GOLGA3: variants seen among roughly 807,000 people sequenced by gnomAD.
The protein encoded by GOLGA3 is golgin A3.
A neutral mutation model predicts 169.4 loss-of-function variants in GOLGA3; 75 were observed. The ratio of observed to expected loss-of-function variants is 0.44; its 90% CI spans 0.37 to 0.54. The LOEUF (loss-of-function observed/expected upper bound fraction) is 0.54. Ranked by LOEUF, GOLGA3 falls within the 20% of genes least tolerant of loss-of-function variation. The pLI is 0.00. For synonymous variants in GOLGA3, 824 were observed against 822.4 expected (o/e 1.00, Z -0.03); for missense variants, 1,899 against 1,930.0 (o/e 0.98, Z 0.30).
chr12:132,805,734 C>T (rs1426591003), intron 6 of GOLGA3, among the ~76,000 whole-genome samples: 1 of 152,226 alleles, frequency 6.6e-6, no homozygotes, highest in East Asian at 1.9e-4. Context: ...CCCAACTGCA[C>T]CTGCACAGGG....
chr12:132,782,642 C>T (rs1161539731), intron 16 of GOLGA3, 149 bp from the exon 17 acceptor site: 12 of 663,578 alleles, frequency 1.8e-5, no homozygotes, highest in South Asian at 5.2e-5. Context: ...ATTGGGAGGC[C>T]GAGGCAGGGG....
intron 9 of GOLGA3, 132 bp downstream of exon 9, chr12:132,798,208 C>CAG: frequency 1.2e-6 from 1 of 811,108 alleles, no homozygotes; most frequent in South Asian, 1.8e-5. Flanking sequence ...CCTTAACGAG[C>CAG]AGTCACTGCC....
rs2044840752 is a variant in GOLGA3, at chr12:132,770,273, T to G, written c.*2832A>C. 6.6e-6 allele frequency: 1 copy of G among 150,602 alleles called. No individual in the cohort carries two copies. Among genetic ancestry groups the G allele is most frequent in the Non-Finnish European group, 1.5e-5 (1 of 67,956 alleles). 9.3% of individuals were successfully genotyped at this position (150,602 alleles called of 1,614,324 possible). ...AAATTCCAACTTCCTCTTTTAGGCG[T>G]CTTCTTAAGGAAGGAAGTGTCCGCG... is the stretch of plus-strand genomic sequence containing the variant. On this transcript the variant is annotated 3_prime_UTR_variant, in exon 24 of 24. Coordinates refer to ENST00000450791, the MANE Select transcript of GOLGA3 (RefSeq NM_001389683.1).
Position 132,789,299 on chromosome 12 carries a change from G to A in GOLGA3, c.2548-9C>T, listed in dbSNP as rs1301626055. On this transcript the variant is annotated splice_polypyrimidine_tract_variant and intron_variant, in intron 12 of 23. Coordinates refer to ENST00000450791, the MANE Select transcript of GOLGA3 (RefSeq NM_001389683.1). ...TAGGCCTCCACCATCACCTGCCAAA[G>A]ACAGAGGCTGTGAGCGGACGCTGGG... 6.3e-7 allele frequency: 1 copy of A among 1,578,890 alleles called. No homozygotes were observed. The highest frequency in any genetic ancestry group is 1.3e-5 in the African/African-American group (1 of 74,506).
rs1555251130 is a variant in GOLGA3 at position 132,780,123 on chromosome 12, A to ACACACAC, written c.3582+674_3582+675insGTGTGTG. 1.2e-4 allele frequency among the ~76,000 whole-genome samples: 16 copies of ACACACAC among 136,074 alleles called. 1 individual carries two copies. Among genetic ancestry groups the ACACACAC allele is most frequent in the East Asian group, 4.4e-4 (2 of 4,496 alleles). The allele number at this position is 136,074 out of a possible 152,430, so 89.3% of individuals were successfully genotyped here. ...CTTGCACGCACAGCCCCCCGCGTGC[A>ACACACAC]CACACCCCAGGCACACGTGTGTACA... On this transcript the variant is annotated intron_variant, in intron 18 of 23. Coordinates refer to ENST00000450791, the MANE Select transcript of GOLGA3 (RefSeq NM_001389683.1).
At chr12:132,808,597 A>T (rs770994414) in intron 4 of GOLGA3, 48 bp from the exon 5 acceptor site, 1 of 1,465,090 alleles carries the variant, frequency 6.8e-7, no homozygotes, top group South Asian at 1.3e-5. Flanking sequence ...ATCCACAAGC[A>T]GCATACTTAA....
At chr12:132,797,128 T>C (rs1160804007) in intron 9 of GOLGA3, among the ~76,000 whole-genome samples, 1 of 152,214 alleles carries the variant, frequency 6.6e-6, no homozygotes, top group African/African-American at 2.4e-5. Context: ...ACTTGAAACT[T>C]GAAATTCTTT....
chr12:132,821,926 C>A, intron 2 of GOLGA3, 70 bp downstream of exon 2: 1 of 999,842 alleles, frequency 1.0e-6, no homozygotes, highest in South Asian at 1.6e-5. Flanking sequence ...CACATCCTCC[C>A]TCAACACCAC....
At chr12:132,798,699 T>C (rs1948991124) in intron 8 of GOLGA3, among the ~76,000 whole-genome samples, 1 of 152,184 alleles carries the variant, frequency 6.6e-6, no homozygotes, top group Admixed American at 6.5e-5. Flanking sequence ...CCAGCGCTCA[T>C]CATGCTGTTT....
intron 4 of GOLGA3, among the ~76,000 whole-genome samples, chr12:132,812,023 A>AAAC (rs1949737241): frequency 1.4e-5 from 2 of 144,722 alleles, no homozygotes; most frequent in Non-Finnish European, 3.0e-5. Flanking sequence ...AAAAAAAAAA[A>AAAC]CATTAAAAAA....
rs192637408 is a variant in GOLGA3 at position 132,795,709 on chromosome 12, G to A, written c.2469+143C>T. The A allele has an allele frequency of 8.5e-4, 734 of 866,382 alleles. 1 individual carries two copies. The highest frequency in any genetic ancestry group is 1.1e-3 in the Non-Finnish European group (625 of 558,946). 53.7% of individuals were successfully genotyped at this position (866,382 alleles called of 1,614,324 possible). Reference sequence around the variant, plus strand: ...CTGGGAGGTGGAGGTTGCAGTGAGCGCAGATCATCCCACTGCACTCCAGCC... The same window carrying A: ...CTGGGAGGTGGAGGTTGCAGTGAGCACAGATCATCCCACTGCACTCCAGCC... On this transcript the variant is annotated intron_variant, in intron 11 of 23. Coordinates refer to ENST00000450791, the MANE Select transcript of GOLGA3 (RefSeq NM_001389683.1).
chr12:132,797,966 C>A (rs1191006442), intron 9 of GOLGA3, among the ~76,000 whole-genome samples: 1 of 152,236 alleles, frequency 6.6e-6, no homozygotes, highest in Non-Finnish European at 1.5e-5. Flanking sequence ...CCCCTTCCTC[C>A]GTACCCACTC....
At chr12:132,812,002 CAAAAAAAAA>C (rs71076477) in intron 4 of GOLGA3, among the ~76,000 whole-genome samples, 51 of 39,908 alleles carry the variant, frequency 1.3e-3, no homozygotes, top group African/African-American at 5.5e-3. Context: ...CTCCGTCTCT[CAAAAAAAAA>C]AAAAAAAAAA....
intron 2 of GOLGA3, among the ~76,000 whole-genome samples, 194 bp downstream of exon 2, chr12:132,821,802 C>T (rs1205608411): frequency 2.1e-4 from 31 of 144,400 alleles, no homozygotes; most frequent in African/African-American, 5.2e-4. Context: ...TGCAGCGAGC[C>T]GAGATCACGC....
At chr12:132,798,259 C>T (rs1251531034) in intron 9 of GOLGA3, 81 bp downstream of exon 9, 10 of 1,308,506 alleles carry the variant, frequency 7.6e-6, no homozygotes, top group East Asian at 2.5e-5. Flanking sequence ...CACAGAGAGA[C>T]GGAACATGTA....
intron 1 of GOLGA3, among the ~76,000 whole-genome samples, chr12:132,827,448 TAAAACAATGAG>T (rs1231420783): frequency 1.3e-5 from 2 of 152,190 alleles, no homozygotes; most frequent in African/African-American, 4.8e-5. Context: ...TCCTCACCAG[TAAAACAATGAG>T]AAAATGAACG....
chr12:132,796,819 A>C, intron 9 of GOLGA3, 119 bp from the exon 10 acceptor site: 18 of 995,290 alleles, frequency 1.8e-5, no homozygotes, highest in East Asian at 2.4e-5. Flanking sequence ...CCACCTCCTC[A>C]TCCTGTCTAC....
At chr12:132,776,531 G>C (rs7136321) in intron 21 of GOLGA3, 103 bp downstream of exon 21, 1 of 637,698 alleles carries the variant, frequency 1.6e-6, no homozygotes. Context: ...TCCCGCCTGT[G>C]CCCAGCGCCT....
rs2044943404 is a variant in GOLGA3, at chr12:132,772,506, T to C, written c.*599A>G. The C allele has an allele frequency of 8.0e-6, 1 of 124,342 alleles. No homozygotes were observed. The highest frequency in any genetic ancestry group is 1.6e-5 in the Non-Finnish European group (1 of 63,756). The allele number at this position is 124,342 out of a possible 1,614,324, so 7.7% of individuals were successfully genotyped here. ...TTGCAGTGAGCGGAGAGTGTGCCAC[T>C]GCACTCCAGCCTGGGCAACAAAGCG... On this transcript the variant is annotated 3_prime_UTR_variant, in exon 24 of 24. Transcript: ENST00000450791.
Sources: allele counts gnomAD v4.1 joint callset (sites outside exome capture counted in the v4.1 genomes callset), GRCh38; gene constraint gnomAD v4.1.1; transcripts MANE v1.5; gene names NCBI Gene and HGNC (gene_info 2026-07-23, HGNC 2026-07-21).